The following LRP1B variants were observed in gnomAD, a reference collection of about 807,000 sequenced individuals.
LRP1B encodes the protein LDL receptor related protein 1B, also known as low-density lipoprotein receptor-related protein 1B.
LRP1B carries 217 observed loss-of-function variants against 556.6 expected under a neutral mutation model. The observed-to-expected ratio is 0.39, with a 90% CI of 0.35 to 0.44. The LOEUF is 0.44. Among genes scored for constraint, LRP1B ranks in the 20% least tolerant of loss-of-function variants. The probability of loss-of-function intolerance (pLI) is 1.00; values close to 1 mark genes in which losing one functional copy is unlikely to be tolerated. For synonymous variants in LRP1B, 2,047 were observed against 1,865.8 expected (o/e 1.10, Z -2.50); for missense variants, 5,053 against 5,620.8 (o/e 0.90, Z 3.23).
In LRP1B at chr2:140,776,083, A is replaced by T. The variant is rs2104950295; in HGVS notation, c.5500+15T>A. 6.5e-7 allele frequency: 1 copy of T among 1,542,326 alleles called. No individual in the cohort carries two copies. Among genetic ancestry groups the T allele is most frequent in the African/African-American group, 1.4e-5 (1 of 69,692 alleles). Reference sequence around the variant, plus strand: ...CGTATTCAAGACCTGGCACAAATTCATTAGTGTGATTTACCTTGCTGTGCT... The same window carrying T: ...CGTATTCAAGACCTGGCACAAATTCTTTAGTGTGATTTACCTTGCTGTGCT... On this transcript the variant is annotated intron_variant, in intron 33 of 90. Transcript: ENST00000389484.
intron 86 of LRP1B, among the ~76,000 whole-genome samples, chr2:140,264,208 AC>A (rs1682081248): frequency 6.6e-6 from 1 of 151,542 alleles, no homozygotes; most frequent in Admixed American, 6.6e-5. Flanking sequence ...CCATAATGAA[AC>A]CTTTTTTTGT....
At chr2:141,040,926 A>C (rs779407931) in intron 11 of LRP1B, among the ~76,000 whole-genome samples, 4 of 152,232 alleles carry the variant, frequency 2.6e-5, no homozygotes, top group Middle Eastern at 3.4e-3. Context: ...ACTGCTTCTC[A>C]TTCTTCCTGG....
intron 7 of LRP1B, among the ~76,000 whole-genome samples, chr2:141,173,248 T>C (rs748695698): frequency 2.0e-4 from 31 of 152,162 alleles, no homozygotes; most frequent in Non-Finnish European, 4.0e-4. Context: ...TTAGGAAGAA[T>C]GTAATTTTGT....
intron 1 of LRP1B, among the ~76,000 whole-genome samples, chr2:141,846,807 G>T (rs1159669968): frequency 6.6e-6 from 1 of 151,060 alleles, no homozygotes; most frequent in Non-Finnish European, 1.5e-5. Flanking sequence ...AAAAATAAAA[G>T]CTTTAGAAAT....
At chr2:140,469,530 C>A (rs527698905) in intron 60 of LRP1B, among the ~76,000 whole-genome samples, 1 of 152,124 alleles carries the variant, frequency 6.6e-6, no homozygotes, top group East Asian at 1.9e-4. Flanking sequence ...GAAGAAGACA[C>A]AAAAAATATT....
chr2:141,716,454 C>CT (rs901146484), intron 2 of LRP1B, among the ~76,000 whole-genome samples: 7 of 151,946 alleles, frequency 4.6e-5, no homozygotes, highest in African/African-American at 1.5e-4. Context: ...AGGAATGACT[C>CT]TTTTTTTAGT....
intron 18 of LRP1B, among the ~76,000 whole-genome samples, chr2:140,978,463 C>G (rs75311342): frequency 0.014 from 2,122 of 152,134 alleles, 27 homozygotes; most frequent in Middle Eastern, 0.041. Flanking sequence ...AGGATGAAAC[C>G]TTTGGGAATC....
At chr2:140,900,933 C>T (rs578080604) in intron 23 of LRP1B, among the ~76,000 whole-genome samples, 1 of 152,164 alleles carries the variant, frequency 6.6e-6, no homozygotes, top group South Asian at 2.1e-4. Flanking sequence ...AAAGTATAGT[C>T]TAAGTGAAAG....
At chr2:140,939,894 T>TTC (rs764509600) in intron 20 of LRP1B, among the ~76,000 whole-genome samples, 27 of 150,334 alleles carry the variant, frequency 1.8e-4, no homozygotes, top group Non-Finnish European at 3.6e-4. Context: ...AATTTTTTTT[T>TTC]TTTTTTTTTG....
At chr2:141,885,171 C>T (rs1235503070) in intron 1 of LRP1B, among the ~76,000 whole-genome samples, 1 of 152,066 alleles carries the variant, frequency 6.6e-6, no homozygotes, top group Non-Finnish European at 1.5e-5. Context: ...ACAATAATAG[C>T]AGCCTGGTTC....
chr2:140,381,172 C>A (rs1683467047), intron 67 of LRP1B, among the ~76,000 whole-genome samples: 1 of 151,796 alleles, frequency 6.6e-6, no homozygotes, highest in South Asian at 2.1e-4. Context: ...ATTTAGTTAC[C>A]ACGGAAAGCC....
intron 1 of LRP1B, among the ~76,000 whole-genome samples, chr2:142,046,894 G>T (rs1704278819): frequency 6.6e-6 from 1 of 151,880 alleles, no homozygotes; most frequent in South Asian, 2.1e-4. Flanking sequence ...TTTATTTCTA[G>T]GCATTGTAGG....
In LRP1B at chr2:141,079,673, A is replaced by T. The variant is rs186025558; in HGVS notation, c.1014-17400T>A. 1.7e-3 allele frequency among the ~76,000 whole-genome samples: 262 copies of T among 152,320 alleles called. 2 individuals are homozygous for T. The highest frequency in any genetic ancestry group is 6.0e-3 in the African/African-American group (250 of 41,572). Reference sequence around the variant, plus strand: ...CAGCACTATTTCAGTTAGAACTTACACTAGTCTGTATACAAATTTTCATAA... The same window carrying T: ...CAGCACTATTTCAGTTAGAACTTACTCTAGTCTGTATACAAATTTTCATAA... On this transcript the variant is annotated intron_variant, in intron 7 of 90. Transcript: ENST00000389484.
chr2:140,996,467 T>C (rs1697248934), intron 15 of LRP1B, among the ~76,000 whole-genome samples: 1 of 152,060 alleles, frequency 6.6e-6, no homozygotes, highest in East Asian at 1.9e-4. Context: ...AAAGCATTTG[T>C]TTTATAATTA....
intron 3 of LRP1B, among the ~76,000 whole-genome samples, chr2:141,427,646 T>G (rs557233740): frequency 6.6e-6 from 1 of 152,224 alleles, no homozygotes; most frequent in Non-Finnish European, 1.5e-5. Context: ...GTTTACTTAA[T>G]ATTTTCATTT....
chr2:142,055,122 T>C (rs2105238324), intron 1 of LRP1B, among the ~76,000 whole-genome samples: 1 of 152,132 alleles, frequency 6.6e-6, no homozygotes, highest in East Asian at 1.9e-4. Flanking sequence ...AGACAGAATG[T>C]TTTTCTCCCA....
At chr2:140,734,436 G>T (rs1015966280) in intron 35 of LRP1B, among the ~76,000 whole-genome samples, 1 of 152,132 alleles carries the variant, frequency 6.6e-6, no homozygotes, top group African/African-American at 2.4e-5. Flanking sequence ...GAATTGATTT[G>T]TGTAAAATAT....
At chr2:141,479,242 C>T (rs1183859662) in intron 3 of LRP1B, among the ~76,000 whole-genome samples, 1 of 152,156 alleles carries the variant, frequency 6.6e-6, no homozygotes, top group Non-Finnish European at 1.5e-5. Flanking sequence ...GCTTACTTCA[C>T]CCCAGACCTG....
chr2:141,241,059 A>C (rs568280915), intron 5 of LRP1B, among the ~76,000 whole-genome samples: 66 of 152,200 alleles, frequency 4.3e-4, no homozygotes, highest in Non-Finnish European at 6.2e-4. Context: ...TAGAATATTC[A>C]TGAGGAGATT....
Sources: allele counts gnomAD v4.1 joint callset (sites outside exome capture counted in the v4.1 genomes callset), GRCh38; gene constraint gnomAD v4.1.1; transcripts MANE v1.5; gene names NCBI Gene and HGNC (gene_info 2026-07-23, HGNC 2026-07-21).